SARDH: variants seen among roughly 807,000 people sequenced by gnomAD.
The protein encoded by SARDH is sarcosine dehydrogenase.
A neutral mutation model predicts 109.1 loss-of-function variants in SARDH; 95 were observed. The observed-to-expected ratio is 0.87, with a 90% CI of 0.74 to 1.03. The LOEUF is 1.03. SARDH is among the 50% of genes least tolerant of loss of function. The pLI is 0.00. For missense variants in SARDH, 1,267 were observed against 1,287.8 expected (o/e 0.98, Z 0.25); for synonymous variants, 572 against 534.8 (o/e 1.07, Z -0.96).
chr9:133,714,171 G>C (rs1485589778), intron 8 of SARDH, among the ~76,000 whole-genome samples: 3 of 151,930 alleles, frequency 2.0e-5, no homozygotes, highest in Non-Finnish European at 4.4e-5. Context: ...CTCCAAGTCT[G>C]GGGGGTCATC....
chr9:133,691,913 T>TG (rs1831113002), intron 15 of SARDH, among the ~76,000 whole-genome samples: 1 of 152,214 alleles, frequency 6.6e-6, no homozygotes, highest in East Asian at 1.9e-4. Flanking sequence ...ACCCACCAAG[T>TG]GCAAACCTTC....
In SARDH at chr9:133,718,648, C is replaced by T. The variant is rs1250303983; in HGVS notation, c.1020+290G>A. ...GTGTCATTTGCTGAAGGACGTAGGA[C>T]TTGTGTGCTCTCATGCCCTTCTGAG... On this transcript the variant is annotated intron_variant, in intron 7 of 20. Transcript: ENST00000439388. The surrounding 1 kb of genome is among the most constrained non-coding windows in gnomAD (Gnocchi z 4.2). 1.3e-6 allele frequency: 1 copy of T among 778,944 alleles called. No individual in the cohort carries two copies. 48.3% of individuals were successfully genotyped at this position (778,944 alleles called of 1,614,324 possible).
rs544895979 is a variant in SARDH at position 133,665,398 on chromosome 9, G to T, written c.2631+1337C>A. Reference sequence around the variant, plus strand: ...TGGCCCCCAGGACCATGGCCCCAGGGCTGTGTCAGGAGGCCCTGCCCACCG... The same window carrying T: ...TGGCCCCCAGGACCATGGCCCCAGGTCTGTGTCAGGAGGCCCTGCCCACCG... On this transcript the variant is annotated intron_variant, in intron 20 of 20. Transcript: ENST00000439388. Among the ~76,000 whole-genome samples, 19 of 152,308 alleles carry T rather than the reference G, an allele frequency of 1.2e-4. No homozygotes were observed. The East Asian group carries it at 1.7e-3, about 14-fold the overall frequency.
intron 16 of SARDH, among the ~76,000 whole-genome samples, chr9:133,689,900 C>T (rs905127381): frequency 6.6e-6 from 1 of 152,246 alleles, no homozygotes; most frequent in Admixed American, 6.5e-5. Flanking sequence ...GTGGGGAACA[C>T]AGCCCGGCAG....
chr9:133,663,244 G>A (rs1043447571), downstream of SARDH, among the ~76,000 whole-genome samples: 7 of 152,194 alleles, frequency 4.6e-5, no homozygotes, highest in Non-Finnish European at 8.8e-5. Context: ...CTGAGGCCCC[G>A]CCCGCTCCCT....
chr9:133,712,648 C>A lies in SARDH; in HGVS notation c.1299G>T (p.Pro433=), dbSNP rs147188337. 3.1e-6 allele frequency: 5 copies of A among 1,610,338 alleles called. No homozygotes were observed. The South Asian group carries it at 4.4e-5, about 14-fold the overall frequency. Residue 433 remains proline (P), a synonymous_variant, in exon 10 of 21, where the codon CCG becomes CCT. Coordinates refer to ENST00000439388, the MANE Select transcript of SARDH (RefSeq NM_001134707.2). This position sits in a 1 kb window ranked among gnomAD's most constrained non-coding sequence, Gnocchi z 4.1. ...ELAHWIIHGR[P]EKDMHGYDIR... is the part of the protein sequence containing the mutation. ...TGTCATAGCCATGCATGTCCTTCTC[C>A]GGGCGCCCATGGATGATCCAGTGGG...
At chr9:133,685,333 G>T in intron 16 of SARDH, 47 bp from the exon 17 acceptor site, 1 of 1,564,244 alleles carries the variant, frequency 6.4e-7, no homozygotes, top group East Asian at 2.3e-5. Flanking sequence ...CTCACGGGTG[G>T]GGCCTGGGCA....
rs758532734 is a variant in SARDH, at chr9:133,733,882, G to T, written c.292C>A (p.Arg98=). The T allele has an allele frequency of 6.7e-7, 1 of 1,498,282 alleles. No individual in the cohort carries two copies. Among genetic ancestry groups the T allele is most frequent in the Non-Finnish European group, 8.9e-7 (1 of 1,124,106 alleles). The allele number at this position is 1,498,282 out of a possible 1,614,324, so 92.8% of individuals were successfully genotyped here. The change falls in exon 2 of 21, where the codon CGG becomes AGG. Residue 98 remains arginine (R), a synonymous_variant. Coordinates refer to ENST00000439388, the MANE Select transcript of SARDH (RefSeq NM_001134707.2). ...LGMSGAVLLE[R]ERLTSGTTWH... Reference sequence around the variant, plus strand: ...GTGGTCCCGGAGGTCAGCCGCTCCCGCTCCAGCAGCACCGCCCCACTCATG... The same window carrying T: ...GTGGTCCCGGAGGTCAGCCGCTCCCTCTCCAGCAGCACCGCCCCACTCATG...
chr9:133,676,515 T>C (rs1261503736), intron 17 of SARDH, among the ~76,000 whole-genome samples: 1 of 152,178 alleles, frequency 6.6e-6, no homozygotes, highest in Non-Finnish European at 1.5e-5. Context: ...CTTTTCTTCA[T>C]GGGAAACTGA....
chr9:133,691,027 C>T (rs1341938762), intron 15 of SARDH, among the ~76,000 whole-genome samples: 3 of 152,340 alleles, frequency 2.0e-5, no homozygotes, highest in African/African-American at 7.2e-5. Flanking sequence ...CTCTCTTCTT[C>T]CTCTTGACAC....
chr9:133,690,556 A>G (rs368836796), intron 15 of SARDH, 29 bp from the exon 16 acceptor site: 7 of 1,583,832 alleles, frequency 4.4e-6, no homozygotes, highest in Admixed American at 3.3e-5. Flanking sequence ...GACTTAGAGC[A>G]GGATTTCAGG....
chr9:133,730,435 CT>C (rs1316807479), intron 4 of SARDH, among the ~76,000 whole-genome samples: 2 of 146,502 alleles, frequency 1.4e-5, no homozygotes, highest in Non-Finnish European at 3.0e-5. Flanking sequence ...GGGGAACCCT[CT>C]TTTCATAACG....
chr9:133,705,000 T>C lies in SARDH; in HGVS notation c.1502A>G (p.Glu501Gly). ...TCCCGGTCGCTCCCAGCCATGCCGC[T>C]CCTGGAACACGCAGCCTTGTCCAAG... The part of the protein sequence containing the change: ...ELLGQGCVFQ[E>G]RHGWERPGWF... The change falls in exon 12 of 21, where the codon GAG becomes GGG. Residue 501 changes from glutamate to glycine, a missense_variant. By Grantham distance (98) the Glu-to-Gly change is moderately conservative. Transcript: ENST00000439388. This position sits in a 1 kb window ranked among gnomAD's most constrained non-coding sequence, Gnocchi z 4.5. 6.3e-7 allele frequency: 1 copy of C among 1,591,914 alleles called. No individual in the cohort carries two copies. Among genetic ancestry groups the C allele is most frequent in the Non-Finnish European group, 8.5e-7 (1 of 1,170,292 alleles).
chr9:133,660,447 T>C (rs528234587), downstream of SARDH, among the ~76,000 whole-genome samples: 1 of 152,268 alleles, frequency 6.6e-6, no homozygotes, highest in East Asian at 1.9e-4. Context: ...GGGGATTTTA[T>C]CTAAAATAAG....
At chr9:133,706,641 T>C (rs986546551) in intron 11 of SARDH, among the ~76,000 whole-genome samples, 1 of 152,174 alleles carries the variant, frequency 6.6e-6, no homozygotes, top group African/African-American at 2.4e-5. Flanking sequence ...ACGAATGTAA[T>C]GAACACACTA....
Position 133,709,877 on chromosome 9 carries a change from C to T in SARDH, c.1329-1449G>A, listed in dbSNP as rs971707950. Among the ~76,000 whole-genome samples, 3 of 152,140 alleles carry T rather than the reference C, an allele frequency of 2.0e-5. No homozygotes were observed. Among genetic ancestry groups the T allele is most frequent in the Admixed American group, 1.3e-4 (2 of 15,280 alleles). ...GCAAGGCCACGGCAAAGGCAGCCCA[C>T]ACCTGCGCCAGGCTATGCTGACCAG... On this transcript the variant is annotated intron_variant, in intron 10 of 20. Transcript: ENST00000439388. This position sits in a 1 kb window ranked among gnomAD's most constrained non-coding sequence, Gnocchi z 4.2.
chr9:133,705,026 G>C lies in SARDH; in HGVS notation c.1476C>G (p.Leu492=). The C allele has an allele frequency of 6.3e-7, 1 of 1,590,098 alleles. No individual in the cohort carries two copies. Among genetic ancestry groups the C allele is most frequent in the Non-Finnish European group, 8.6e-7 (1 of 1,169,202 alleles). The change falls in exon 12 of 21, where the codon CTC becomes CTG. Residue 492 remains leucine, a synonymous_variant. Transcript: ENST00000439388. ...NMRRDPLHEE[L]LGQGCVFQER... ...CCTGGAACACGCAGCCTTGTCCAAG[G>C]AGTTCCTGAGCAGGAGTGGGGAACA... is the stretch of plus-strand genomic sequence containing the variant.
chr9:133,698,184 A>C (rs1024350124), intron 13 of SARDH, among the ~76,000 whole-genome samples: 3 of 152,138 alleles, frequency 2.0e-5, no homozygotes, highest in African/African-American at 7.2e-5. Flanking sequence ...AATATCATCA[A>C]GATAATAAAA....
intron 13 of SARDH, among the ~76,000 whole-genome samples, chr9:133,702,660 C>T (rs1477854909): frequency 1.3e-5 from 2 of 152,218 alleles, no homozygotes; most frequent in East Asian, 3.9e-4. Context: ...TCCGCCCCCA[C>T]CTCACCCCAT....
Sources: gnomAD v4.1 joint callset for allele counts (sites outside exome capture counted in the v4.1 genomes callset) on GRCh38, gnomAD v4.1.1 for gene constraint, Gnocchi (gnomAD v3.1) non-coding constraint, MANE v1.5 for transcripts, NCBI Gene and HGNC (gene_info 2026-07-23, HGNC 2026-07-21) for gene names.